The following TASP1 variants were observed in gnomAD, a reference collection of about 807,000 sequenced individuals.
TASP1 encodes taspase 1, also known as threonine aspartase 1.
TASP1 carries 16 observed loss-of-function variants against 56.6 expected under a neutral mutation model. The ratio of observed to expected loss-of-function variants is 0.28; its 90% CI spans 0.19 to 0.43. The LOEUF (loss-of-function observed/expected upper bound fraction) is 0.43. Among genes scored for constraint, TASP1 ranks in the 20% least tolerant of loss-of-function variants. TASP1 has a pLI of 1.00. For missense variants in TASP1, 393 were observed against 511.6 expected, an observed-to-expected ratio of 0.77 and a Z score of 2.24; for synonymous variants, 179 against 184.2, an observed-to-expected ratio of 0.97 and a Z score of 0.23.
At chr20:13,320,403 G>A in the TASP1 span, among the ~76,000 whole-genome samples, 1 of 152,300 alleles carries the variant, frequency 6.6e-6, no homozygotes, top group Admixed American at 6.5e-5. Context: ...ACAGAACTTA[G>A]AGACAAATGG....
chr20:13,537,135 A>G (rs1601163321), intron 8 of TASP1, among the ~76,000 whole-genome samples: 1 of 152,292 alleles, frequency 6.6e-6, no homozygotes, highest in African/African-American at 2.4e-5. Context: ...TAGCATTTCA[A>G]TCAGGATATT....
At chr20:13,410,412 TC>T (rs2042057908) in intron 13 of TASP1, among the ~76,000 whole-genome samples, 1 of 152,194 alleles carries the variant, frequency 6.6e-6, no homozygotes, top group African/African-American at 2.4e-5. Flanking sequence ...CCATATTGTT[TC>T]CCATAGTGGC....
chr20:13,129,659 G>A, the TASP1 span, among the ~76,000 whole-genome samples: 1 of 152,204 alleles, frequency 6.6e-6, no homozygotes, highest in Non-Finnish European at 1.5e-5. Flanking sequence ...TGCTTTACAT[G>A]TATGCAACTT....
intron 4 of TASP1, among the ~76,000 whole-genome samples, chr20:13,609,839 A>C (rs1038683387): frequency 1.3e-5 from 2 of 152,238 alleles, no homozygotes; most frequent in African/African-American, 4.8e-5. Flanking sequence ...AATAGCCAAA[A>C]GGTAGAAACA....
chr20:13,319,192 G>A, the TASP1 span, among the ~76,000 whole-genome samples: 1 of 151,842 alleles, frequency 6.6e-6, no homozygotes, highest in Non-Finnish European at 1.5e-5. Flanking sequence ...TGAAACAATA[G>A]TCTATTTTTT....
At chr20:13,606,562 C>CT (rs1254633219) in intron 4 of TASP1, among the ~76,000 whole-genome samples, 1 of 152,074 alleles carries the variant, frequency 6.6e-6, no homozygotes, top group African/African-American at 2.4e-5. Flanking sequence ...AATCCCAGCA[C>CT]TTTGGGAGGC....
chr20:13,375,328 G>T, the TASP1 span, among the ~76,000 whole-genome samples: 1 of 148,880 alleles, frequency 6.7e-6, no homozygotes, highest in Non-Finnish European at 1.5e-5. Context: ...ATGAGAAAAT[G>T]CGGTGTTTGG....
chr20:13,466,483 G>C (rs983129744), intron 11 of TASP1, among the ~76,000 whole-genome samples: 1 of 152,114 alleles, frequency 6.6e-6, no homozygotes, highest in Non-Finnish European at 1.5e-5. Flanking sequence ...GTGGTGGCTT[G>C]TGCCTGTAAT....
the TASP1 span, among the ~76,000 whole-genome samples, chr20:13,140,414 C>T: frequency 1.3e-5 from 2 of 152,082 alleles, no homozygotes; most frequent in Admixed American, 6.5e-5. Context: ...CACATTGGCA[C>T]CCAGCCCTTG....
intron 8 of TASP1, among the ~76,000 whole-genome samples, chr20:13,543,571 A>G (rs923438974): frequency 3.3e-5 from 5 of 152,186 alleles, no homozygotes; most frequent in African/African-American, 1.2e-4. Context: ...ACTGCACTCC[A>G]GCCTGGGTGA....
At chr20:13,159,970 C>CTA in the TASP1 span, 2 of 1,163,930 alleles carry the variant, frequency 1.7e-6, no homozygotes, top group South Asian at 3.5e-5. Flanking sequence ...CAACTAACCA[C>CTA]TTTTTTTTTT....
At chr20:13,144,371 A>G in the TASP1 span, among the ~76,000 whole-genome samples, 1 of 152,246 alleles carries the variant, frequency 6.6e-6, no homozygotes, top group African/African-American at 2.4e-5. Flanking sequence ...GGTACTAAGT[A>G]AGTAGATGCT....
chr20:13,461,496 G>A (rs1167490640), intron 11 of TASP1, among the ~76,000 whole-genome samples: 1 of 152,090 alleles, frequency 6.6e-6, no homozygotes, highest in African/African-American at 2.4e-5. Flanking sequence ...CCACCCCGAT[G>A]GAAGGGCTCT....
intron 11 of TASP1, among the ~76,000 whole-genome samples, chr20:13,462,388 T>C (rs998702138): frequency 1.3e-5 from 2 of 152,172 alleles, no homozygotes; most frequent in African/African-American, 4.8e-5. Context: ...ATGACTGCTA[T>C]ATGGGACAGC....
intron 10 of TASP1, among the ~76,000 whole-genome samples, chr20:13,518,198 T>C (rs2044608490): frequency 6.6e-6 from 1 of 152,104 alleles, no homozygotes; most frequent in African/African-American, 2.4e-5. Flanking sequence ...AGGTTTATTC[T>C]TTCATAAGGA....
At chr20:13,140,599 G>A in the TASP1 span, among the ~76,000 whole-genome samples, 93 of 151,898 alleles carry the variant, frequency 6.1e-4, no homozygotes, top group African/African-American at 2.2e-3. Context: ...TGTCTAGATG[G>A]GCAAGTTCAC....
At chr20:13,435,918 T>A (rs954450250) in intron 11 of TASP1, among the ~76,000 whole-genome samples, 1 of 152,106 alleles carries the variant, frequency 6.6e-6, no homozygotes, top group African/African-American at 2.4e-5. Flanking sequence ...AAACTTACTA[T>A]ATTAAATACA....
chr20:13,586,997 A>G (rs540470245), intron 5 of TASP1, among the ~76,000 whole-genome samples: 1 of 152,222 alleles, frequency 6.6e-6, no homozygotes, highest in East Asian at 1.9e-4. Context: ...TGTATTTCAA[A>G]TTGTAAAATT....
the TASP1 span, among the ~76,000 whole-genome samples, chr20:13,368,997 T>C: frequency 2.0e-5 from 3 of 152,208 alleles, no homozygotes; most frequent in Admixed American, 1.3e-4. Flanking sequence ...TAAAATAAAT[T>C]AATACAGATA....
Sources: allele counts gnomAD v4.1 joint callset (sites outside exome capture counted in the v4.1 genomes callset), GRCh38; gene constraint gnomAD v4.1.1; transcripts MANE v1.5; gene names NCBI Gene and HGNC (gene_info 2026-07-23, HGNC 2026-07-21).